The following PAN3 variants were observed in gnomAD, a reference collection of about 807,000 sequenced individuals.
PAN3 encodes poly(A) specific ribonuclease subunit PAN3, also known as PAN2-PAN3 deadenylation complex subunit PAN3.
Under a neutral mutation model 96.2 loss-of-function variants are expected in PAN3, and 19 were observed. That is an observed-to-expected ratio of 0.20 (90% confidence interval 0.14 to 0.29). PAN3 has a LOEUF of 0.29. PAN3 is among the 10% of genes least tolerant of loss of function. The probability of loss-of-function intolerance (pLI) is 1.00; values close to 1 mark genes in which losing one functional copy is unlikely to be tolerated. For synonymous variants in PAN3, 433 were observed against 406.6 expected, an observed-to-expected ratio of 1.06 and a Z score of -0.78; for missense variants, 882 against 1,108.1, an observed-to-expected ratio of 0.80 and a Z score of 2.90.
intron 1 of PAN3, 63 bp downstream of exon 1, chr13:28,139,150 C>T: frequency 8.0e-7 from 1 of 1,249,118 alleles, no homozygotes; most frequent in Non-Finnish European, 1.0e-6. Context: ...CGGATGAGGC[C>T]CTGCTGCCGA....
At chr13:28,185,735 T>G (rs968191576) in intron 4 of PAN3, among the ~76,000 whole-genome samples, 3 of 152,178 alleles carry the variant, frequency 2.0e-5, no homozygotes, top group Non-Finnish European at 2.9e-5. Flanking sequence ...TCATCTAATT[T>G]TATAGCTTTG....
chr13:28,187,037 A>C (rs1876572082), intron 4 of PAN3, among the ~76,000 whole-genome samples: 1 of 152,096 alleles, frequency 6.6e-6, no homozygotes, highest in East Asian at 1.9e-4. Flanking sequence ...CGTCTTTAAA[A>C]AGAAAAAGCC....
Position 28,145,312 on chromosome 13 carries a change from C to A in PAN3, c.430+6225C>A, listed in dbSNP as rs187057335. 2.2e-3 allele frequency among the ~76,000 whole-genome samples: 331 copies of A among 151,970 alleles called. 1 individual carries two copies. The highest frequency in any genetic ancestry group is 3.5e-3 in the South Asian group (17 of 4,808). On this transcript the variant is annotated intron_variant, in intron 1 of 18. Coordinates refer to ENST00000380958, the MANE Select transcript of PAN3 (RefSeq NM_175854.8). ...GTGCCTAACTTAATGGTTTGGCTTTCAATTTTTTGACTTTTTTTTGACAAT... is the reference window on the plus strand; with the variant it reads ...GTGCCTAACTTAATGGTTTGGCTTTAAATTTTTTGACTTTTTTTTGACAAT...
intron 2 of PAN3, among the ~76,000 whole-genome samples, chr13:28,175,991 G>A (rs1414266988): frequency 6.6e-6 from 1 of 152,164 alleles, no homozygotes; most frequent in Non-Finnish European, 1.5e-5. Context: ...GGGATGAAGG[G>A]CCTTACAGGA....
In PAN3 at chr13:28,223,394, G is replaced by A. The variant is rs1210075963; in HGVS notation, c.1000+3016G>A. 2.0e-5 allele frequency among the ~76,000 whole-genome samples: 3 copies of A among 152,094 alleles called. No individual in the cohort carries two copies. In the East Asian group the frequency reaches 5.8e-4, roughly 29 times the overall value. On this transcript the variant is annotated intron_variant, in intron 6 of 18. Transcript: ENST00000380958. ...TTTCTAAGTATCTTTTGTGAAGTTA[G>A]TTGTTTTAATGATACTAAAGATATG...
chr13:28,217,560 AAC>A (rs1308386309), intron 5 of PAN3, among the ~76,000 whole-genome samples: 1 of 151,842 alleles, frequency 6.6e-6, no homozygotes, highest in African/African-American at 2.4e-5. Context: ...CCAGCCTGGC[AAC>A]AGAGTGAGAT....
In PAN3 at chr13:28,260,518, A is replaced by T; in HGVS notation, c.1320A>T (p.Ala440=). The T allele has an allele frequency of 6.2e-7, 1 of 1,613,294 alleles. No individual in the cohort carries two copies. Among genetic ancestry groups the T allele is most frequent in the East Asian group, 2.2e-5 (1 of 44,854 alleles). ...HVAYMQPKAN[A]PSFFMADELR... ...CTTATATGCAACCGAAAGCAAACGCACCTTCCTTCTTCATGGCTGATGAAC... is the reference window on the plus strand; with the variant it reads ...CTTATATGCAACCGAAAGCAAACGCTCCTTCCTTCTTCATGGCTGATGAAC... The change falls in exon 8 of 19, where the codon GCA becomes GCT. Residue 440 remains alanine, a synonymous_variant. Coordinates refer to ENST00000380958, the MANE Select transcript of PAN3 (RefSeq NM_175854.8).
intron 6 of PAN3, among the ~76,000 whole-genome samples, chr13:28,224,703 C>A (rs927190974): frequency 1.3e-5 from 2 of 152,156 alleles, no homozygotes; most frequent in African/African-American, 4.8e-5. Context: ...ACTGCAGCCT[C>A]CAGTTCCAGC....
At chr13:28,231,840 T>G (rs1882588561) in intron 6 of PAN3, among the ~76,000 whole-genome samples, 1 of 152,138 alleles carries the variant, frequency 6.6e-6, no homozygotes, top group Non-Finnish European at 1.5e-5. Flanking sequence ...AGTTCAAGGC[T>G]GGAGTGAGCT....
chr13:28,235,095 G>A (rs1256241334), intron 6 of PAN3, among the ~76,000 whole-genome samples: 1 of 152,010 alleles, frequency 6.6e-6, no homozygotes, highest in Non-Finnish European at 1.5e-5. Context: ...TTTCCCTTGT[G>A]TACTCCGTTC....
chr13:28,256,546 C>A lies in PAN3; in HGVS notation c.1248+7C>A. The A allele has an allele frequency of 1.2e-6, 2 of 1,607,322 alleles. No homozygotes were observed. Among genetic ancestry groups the A allele is most frequent in the South Asian group, 2.2e-5 (2 of 90,032 alleles). On this transcript the variant is annotated splice_region_variant and intron_variant, in intron 7 of 18. Transcript: ENST00000380958. ...AGCACCTTTGACTGGAATGGTATGT[C>A]TACATTAAAGAGGAAATTTTAGTAC...
chr13:28,149,595 C>T (rs545577971), intron 1 of PAN3, among the ~76,000 whole-genome samples: 6 of 151,950 alleles, frequency 3.9e-5, no homozygotes, highest in African/African-American at 1.2e-4. Flanking sequence ...ATTTACTAGT[C>T]GATCTACATT....
Position 28,260,569 on chromosome 13 carries a change from A to C in PAN3, c.1353+18A>C. 6.4e-7 allele frequency: 1 copy of C among 1,554,434 alleles called. No individual in the cohort carries two copies. ...TCCGACAGGTATGCTTTCAGAATTC[A>C]TAGTAGGAATACTTAATGTCTCCTG... On this transcript the variant is annotated intron_variant, in intron 8 of 18. Transcript: ENST00000380958.
intron 6 of PAN3, among the ~76,000 whole-genome samples, chr13:28,234,080 C>G (rs1882855556): frequency 6.6e-6 from 1 of 152,000 alleles, no homozygotes; most frequent in Admixed American, 6.5e-5. Context: ...GATGTCAATC[C>G]TATTTAAGAA....
At position 28,293,396 on chromosome 13, in the gene PAN3, T is replaced by TG. The variant is rs2138783075; in HGVS notation, c.*874_*875insG. On this transcript the variant is annotated 3_prime_UTR_variant, in exon 19 of 19. Coordinates refer to ENST00000380958, the MANE Select transcript of PAN3 (RefSeq NM_175854.8). ...TCTTTCCAGTTTGCTGGTTTTTTTT[T>TG]TTTTTTTTTTTTTTTTTTTTGGGCG... The TG allele has an allele frequency of 1.5e-5, 2 of 137,038 alleles. No individual in the cohort carries two copies. The highest frequency in any genetic ancestry group is 5.6e-5 in the African/African-American group (2 of 35,964). 8.5% of individuals were successfully genotyped at this position (137,038 alleles called of 1,614,324 possible). A position where few individuals can be genotyped will look rare whatever the true frequency, so the allele number is the denominator to read the frequency against.
chr13:28,263,853 ATTTT>A (rs199814505), intron 9 of PAN3, among the ~76,000 whole-genome samples: 3 of 152,142 alleles, frequency 2.0e-5, no homozygotes, highest in Non-Finnish European at 4.4e-5. Context: ...AATATTTAAA[ATTTT>A]TTTGTCACGT....
chr13:28,239,538 G>T, intron 6 of PAN3: 2 of 1,143,780 alleles, frequency 1.7e-6, no homozygotes, highest in Admixed American at 2.4e-5. Context: ...AAGAGCTTAT[G>T]AGCAGTAGCT....
chr13:28,164,760 G>A (rs1593390357), intron 1 of PAN3, among the ~76,000 whole-genome samples: 1 of 152,210 alleles, frequency 6.6e-6, no homozygotes, highest in Admixed American at 6.5e-5. Flanking sequence ...GCTCTAGTAT[G>A]ATGTTTTTGG....
Position 28,220,298 on chromosome 13 carries a change from C to T in PAN3, c.920C>T (p.Ser307Phe), listed in dbSNP as rs753512784. 1.9e-6 allele frequency: 3 copies of T among 1,613,708 alleles called. No individual in the cohort carries two copies. The highest frequency in any genetic ancestry group is 1.1e-5 in the South Asian group (1 of 91,070). The change falls in exon 6 of 19, where the codon TCC becomes TTC. Residue 307 changes from serine (S) to phenylalanine (F), a missense_variant. By Grantham distance (155) the Ser-to-Phe change is radical. Transcript: ENST00000380958. ...GGSTSRLSNV[S>F]QSNMSAFSQV... ...TCAACCTCCAGGCTGAGTAACGTGT[C>T]CCAGTCAAATATGTCTGCCTTCTCT...
Sources: allele counts gnomAD v4.1 joint callset (sites outside exome capture counted in the v4.1 genomes callset), GRCh38; gene constraint gnomAD v4.1.1; transcripts MANE v1.5; gene names NCBI Gene and HGNC (gene_info 2026-07-23, HGNC 2026-07-21).